Variants in EXOC4 observed in about 807,000 individuals in gnomAD.
The protein encoded by EXOC4 is SEC8-like 1.
In EXOC4, 71 loss-of-function variants were observed where a neutral mutation model predicts 107.2. The observed-to-expected ratio is 0.66, with a 90% CI of 0.55 to 0.81. EXOC4 has a LOEUF of 0.81. Among genes scored for constraint, EXOC4 ranks in the 30% least tolerant of loss-of-function variants. The probability of loss-of-function intolerance (pLI) is 0.00; values close to 1 mark genes in which losing one functional copy is unlikely to be tolerated. For synonymous variants in EXOC4, 456 were observed against 441.2 expected, an observed-to-expected ratio of 1.03 and a Z score of -0.42; for missense variants, 1,108 against 1,189.6, an observed-to-expected ratio of 0.93 and a Z score of 1.01.
chr7:134,019,404 A>C (rs1175381089), intron 17 of EXOC4, among the ~76,000 whole-genome samples: 2 of 129,010 alleles, frequency 1.6e-5, no homozygotes. Flanking sequence ...TATATTGGTG[A>C]CTTTCTCTCA....
intron 10 of EXOC4, among the ~76,000 whole-genome samples, chr7:133,799,891 T>G (rs1796897117): frequency 6.6e-6 from 1 of 152,208 alleles, no homozygotes; most frequent in African/African-American, 2.4e-5. Context: ...TTCACCTTAC[T>G]TAATCTCATT....
At chr7:133,380,831 T>G (rs1289422288) in intron 7 of EXOC4, among the ~76,000 whole-genome samples, 1 of 152,210 alleles carries the variant, frequency 6.6e-6, no homozygotes, top group Non-Finnish European at 1.5e-5. Flanking sequence ...AACATAGAAC[T>G]GAAACCGTTC....
chr7:133,971,577 G>A (rs1801239687), intron 14 of EXOC4, among the ~76,000 whole-genome samples: 1 of 151,624 alleles, frequency 6.6e-6, no homozygotes, highest in Non-Finnish European at 1.5e-5. Context: ...TCTTAAGGCA[G>A]GATGTTTGCA....
intron 17 of EXOC4, among the ~76,000 whole-genome samples, chr7:134,008,958 C>A (rs1316075784): frequency 1.3e-5 from 2 of 152,078 alleles, no homozygotes; most frequent in African/African-American, 4.8e-5. Flanking sequence ...TGTTTTTGTA[C>A]AATACAGTTT....
At chr7:133,741,749 A>C (rs1197752773) in intron 10 of EXOC4, among the ~76,000 whole-genome samples, 1 of 152,228 alleles carries the variant, frequency 6.6e-6, no homozygotes, top group African/African-American at 2.4e-5. Flanking sequence ...CTAACATTTC[A>C]CTAAGGCATG....
At chr7:133,323,857 G>T (rs751558614) in intron 5 of EXOC4, among the ~76,000 whole-genome samples, 28 of 152,028 alleles carry the variant, frequency 1.8e-4, no homozygotes, top group Non-Finnish European at 4.0e-4. Context: ...TTTTTTCGTT[G>T]GTAAGCTATT....
chr7:133,649,277 A>C (rs560549270), intron 10 of EXOC4, among the ~76,000 whole-genome samples: 7 of 152,116 alleles, frequency 4.6e-5, no homozygotes, highest in Admixed American at 2.6e-4. Context: ...AAGCTTCATT[A>C]TTACTTTTCC....
At chr7:134,061,687 G>A (rs2116630531) in intron 17 of EXOC4, among the ~76,000 whole-genome samples, 1 of 152,156 alleles carries the variant, frequency 6.6e-6, no homozygotes, top group Middle Eastern at 3.4e-3. Context: ...ATATTCTTAG[G>A]AAGTTCCATT....
At chr7:133,711,981 G>T (rs1262374723) in intron 10 of EXOC4, among the ~76,000 whole-genome samples, 1 of 152,040 alleles carries the variant, frequency 6.6e-6, no homozygotes, top group Non-Finnish European at 1.5e-5. Context: ...AAGTGGATTT[G>T]ACAAACATCA....
chr7:134,028,457 CA>C (rs1795195339), intron 17 of EXOC4, among the ~76,000 whole-genome samples: 1 of 152,124 alleles, frequency 6.6e-6, no homozygotes, highest in Admixed American at 6.5e-5. Flanking sequence ...TAAGTCGAAA[CA>C]AAATATAAGA....
chr7:133,656,551 G>T (rs1803304990), intron 10 of EXOC4, among the ~76,000 whole-genome samples: 1 of 152,220 alleles, frequency 6.6e-6, no homozygotes, highest in South Asian at 2.1e-4. Flanking sequence ...TGAGACAACA[G>T]CCAACTACTA....
chr7:133,756,178 A>G (rs1049508103), intron 10 of EXOC4, among the ~76,000 whole-genome samples: 1 of 152,182 alleles, frequency 6.6e-6, no homozygotes, highest in Non-Finnish European at 1.5e-5. Flanking sequence ...CATTTTCATC[A>G]TAAAAGCAAT....
intron 11 of EXOC4, among the ~76,000 whole-genome samples, chr7:133,856,675 G>T (rs1353899885): frequency 1.3e-5 from 2 of 152,134 alleles, no homozygotes; most frequent in African/African-American, 4.8e-5. Context: ...AATGGGTAGG[G>T]CAGTGGCCAA....
At chr7:133,612,027 A>G (rs1416096484) in intron 9 of EXOC4, among the ~76,000 whole-genome samples, 2 of 152,154 alleles carry the variant, frequency 1.3e-5, no homozygotes, top group African/African-American at 2.4e-5. Context: ...AATAACAACT[A>G]TTGAAGGGTG....
Position 133,253,101 on chromosome 7 carries a change from G to A in EXOC4, c.-1G>A, listed in dbSNP as rs758691055. Reference sequence around the variant, plus strand: ...GCCTAGCGGCTCTCCCCGCGTCCAAGATGGCGGCAGAAGCAGCTGGTGGGA... The same window carrying A: ...GCCTAGCGGCTCTCCCCGCGTCCAAAATGGCGGCAGAAGCAGCTGGTGGGA... On this transcript the variant is annotated 5_prime_UTR_variant, in exon 1 of 18. Transcript: ENST00000253861. 3.0e-5 allele frequency: 49 copies of A among 1,614,032 alleles called. No individual in the cohort carries two copies. The highest frequency in any genetic ancestry group is 4.0e-5 in the Non-Finnish European group (47 of 1,180,000).
intron 2 of EXOC4, among the ~76,000 whole-genome samples, chr7:133,277,732 A>G (rs1794029913): frequency 6.6e-6 from 1 of 152,198 alleles, no homozygotes. Flanking sequence ...GCTCTTTTCA[A>G]AAGAGCCTTT....
chr7:133,359,690 G>A (rs552975925), intron 6 of EXOC4, among the ~76,000 whole-genome samples: 25 of 152,220 alleles, frequency 1.6e-4, no homozygotes, highest in African/African-American at 5.3e-4. Flanking sequence ...ATGCATTGCA[G>A]GCTTGTTTTC....
chr7:133,853,269 G>C (rs1798273081), intron 11 of EXOC4, among the ~76,000 whole-genome samples: 2 of 150,208 alleles, frequency 1.3e-5, no homozygotes, highest in Admixed American at 1.3e-4. Flanking sequence ...TTCTTTCTTT[G>C]TTTCTTTCTG....
intron 10 of EXOC4, among the ~76,000 whole-genome samples, chr7:133,781,248 G>A (rs540906716): frequency 2.8e-4 from 42 of 152,286 alleles, no homozygotes; most frequent in Non-Finnish European, 4.4e-4. Context: ...GCCATTCTGG[G>A]TTTTCTCGTC....
Sources: gnomAD v4.1 joint callset for allele counts (sites outside exome capture counted in the v4.1 genomes callset) on GRCh38, gnomAD v4.1.1 for gene constraint, MANE v1.5 for transcripts, NCBI Gene and HGNC (gene_info 2026-07-23, HGNC 2026-07-21) for gene names.